RALGPS2: variants seen among roughly 807,000 people sequenced by gnomAD.
RALGPS2 encodes the protein ras-specific guanine nucleotide-releasing factor RalGPS2.
A neutral mutation model predicts 86.8 loss-of-function variants in RALGPS2; 43 were observed. The observed-to-expected ratio is 0.50, with a 90% CI of 0.39 to 0.64. The LOEUF (loss-of-function observed/expected upper bound fraction) is 0.64. RALGPS2 is among the 30% of genes least tolerant of loss of function. The pLI is 0.00. For synonymous variants in RALGPS2, 243 were observed against 231.3 expected, an observed-to-expected ratio of 1.05 and a Z score of -0.46; for missense variants, 536 against 694.6, an observed-to-expected ratio of 0.77 and a Z score of 2.57.
chr1:178,747,527 T>G lies in RALGPS2; in HGVS notation c.-84+22108T>G. ...AATGCGGTTCAGCATGACAACTGCT[T>G]TGGTCTTCTGCTGCCAAACCATAAG... On this transcript the variant is annotated intron_variant, in intron 1 of 19. Transcript: ENST00000367635. 42 of 1,611,982 alleles carry G rather than the reference T, an allele frequency of 2.6e-5. 1 individual carries two copies. In the South Asian group the frequency reaches 4.6e-4, roughly 18 times the overall value.
chr1:178,906,361 C>T (rs548913730), intron 18 of RALGPS2, among the ~76,000 whole-genome samples: 2 of 150,600 alleles, frequency 1.3e-5, no homozygotes, highest in African/African-American at 4.9e-5. Context: ...GGCGACAGAG[C>T]GAGACTCCAT....
chr1:178,729,847 T>C (rs1488183017), intron 1 of RALGPS2, among the ~76,000 whole-genome samples: 1 of 152,264 alleles, frequency 6.6e-6, no homozygotes, highest in Non-Finnish European at 1.5e-5. Context: ...CTTTCCCTCC[T>C]GTGTCCTGCT....
At chr1:178,851,331 TAC>T (rs757394461) in intron 8 of RALGPS2, 3 of 1,598,696 alleles carry the variant, frequency 1.9e-6, no homozygotes. Flanking sequence ...GAGGAAAAAA[TAC>T]AGATATAAAT....
rs146707803 is a variant in RALGPS2 at position 178,775,129 on chromosome 1, C to T, written c.-83-1553C>T. On this transcript the variant is annotated intron_variant, in intron 1 of 19. Coordinates refer to ENST00000367635, the MANE Select transcript of RALGPS2 (RefSeq NM_152663.5). ...TACATCATAGTAATAGCATATTTAC[C>T]ATGTGCCAACACTGTTTTAGGTGCT... Among the ~76,000 whole-genome samples the T allele has an allele frequency of 8.5e-3, 1,292 of 152,148 alleles. 16 individuals carry two copies. The highest frequency in any genetic ancestry group is 0.029 in the African/African-American group (1,195 of 41,520).
At chr1:178,797,718 A>T (rs80322213) in intron 4 of RALGPS2, among the ~76,000 whole-genome samples, 7,246 of 152,168 alleles carry the variant, frequency 0.048, 596 homozygotes, top group African/African-American at 0.16. Context: ...GTCTGTATAA[A>T]TCTGTGATTT....
At chr1:178,789,423 T>C (rs1170664844) in intron 4 of RALGPS2, among the ~76,000 whole-genome samples, 1 of 152,212 alleles carries the variant, frequency 6.6e-6, no homozygotes, top group Non-Finnish European at 1.5e-5. Flanking sequence ...GCCAGATGCA[T>C]GTAGTTGATA....
At chr1:178,753,658 T>C (rs1651797711) in intron 1 of RALGPS2, 1 of 152,198 alleles carries the variant, frequency 6.6e-6, no homozygotes, top group Non-Finnish European at 1.5e-5. Context: ...ACAAAAATGT[T>C]TGAGACCAAG....
chr1:178,784,724 C>T (rs1303359079), intron 3 of RALGPS2, among the ~76,000 whole-genome samples: 1 of 151,854 alleles, frequency 6.6e-6, no homozygotes, highest in Non-Finnish European at 1.5e-5. Flanking sequence ...TTTTTTAGGG[C>T]AACTTTATAA....
At position 178,886,016 on chromosome 1, in the gene RALGPS2, C is replaced by A; in HGVS notation, c.1088C>A (p.Pro363Gln). ...NTAEFKSATF[P>Q]NAGPRHLLDD... ...GCAGAATTTAAGAGTGCAACGTTTCCAAATGCAGGACCAAGACATCTGTTA... is the reference window on the plus strand; with the variant it reads ...GCAGAATTTAAGAGTGCAACGTTTCAAAATGCAGGACCAAGACATCTGTTA... Residue 363 changes from proline (P) to glutamine (Q), a missense_variant, in exon 13 of 20, where the codon CCA becomes CAA. Physicochemically the swap from Pro to Gln is moderately conservative, Grantham distance 76 (BLOSUM62 -1). This residue lies in a region of RALGPS2 where 309 missense variants were observed against 363.0 expected (regional missense o/e 0.85). Coordinates refer to ENST00000367635, the MANE Select transcript of RALGPS2 (RefSeq NM_152663.5). 6.2e-7 allele frequency: 1 copy of A among 1,611,854 alleles called. No individual in the cohort carries two copies. Among genetic ancestry groups the A allele is most frequent in the Non-Finnish European group, 8.5e-7 (1 of 1,179,126 alleles).
chr1:178,759,527 CTTT>C (rs59419655), intron 1 of RALGPS2, among the ~76,000 whole-genome samples: 18 of 115,018 alleles, frequency 1.6e-4, no homozygotes, highest in East Asian at 2.7e-4. Flanking sequence ...CAGTTTTGTT[CTTT>C]TTTTTTTTTT....
At chr1:178,755,130 T>C (rs1188104554) in intron 1 of RALGPS2, among the ~76,000 whole-genome samples, 1 of 152,182 alleles carries the variant, frequency 6.6e-6, no homozygotes, top group African/African-American at 2.4e-5. Flanking sequence ...TTTGTCACAT[T>C]TCCTTTTTTC....
chr1:178,897,177 C>T lies in RALGPS2; in HGVS notation c.1432-487C>T, dbSNP rs557667901. On this transcript the variant is annotated intron_variant, in intron 16 of 19. Transcript: ENST00000367635. Reference sequence around the variant, plus strand: ...AAGACATTTATGCAGCCAAAAAACACATGAAAAAATGCTCATCATCACTGG... The same window carrying T: ...AAGACATTTATGCAGCCAAAAAACATATGAAAAAATGCTCATCATCACTGG... Among the ~76,000 whole-genome samples, 420 of 151,906 alleles carry T rather than the reference C, an allele frequency of 2.8e-3. 1 individual carries two copies. The highest frequency in any genetic ancestry group is 4.5e-3 in the Non-Finnish European group (306 of 67,874).
chr1:178,772,561 C>T (rs1032416516), intron 1 of RALGPS2, among the ~76,000 whole-genome samples: 3 of 152,076 alleles, frequency 2.0e-5, no homozygotes, highest in Non-Finnish European at 4.4e-5. Flanking sequence ...AGATTTTTCT[C>T]CCTTTAATAT....
intron 8 of RALGPS2, among the ~76,000 whole-genome samples, chr1:178,853,354 A>G (rs1657308011): frequency 6.6e-6 from 1 of 152,194 alleles, no homozygotes; most frequent in Admixed American, 6.5e-5. Flanking sequence ...AGTAGTAAGT[A>G]TAAGTCATCC....
intron 8 of RALGPS2, chr1:178,865,543 G>A: frequency 6.2e-7 from 1 of 1,614,110 alleles, no homozygotes; most frequent in Non-Finnish European, 8.5e-7. Context: ...TGGTGATCAT[G>A]TCTTTAATGG....
At chr1:178,799,059 A>T (rs1440399544) in intron 4 of RALGPS2, among the ~76,000 whole-genome samples, 6 of 151,652 alleles carry the variant, frequency 4.0e-5, no homozygotes, top group African/African-American at 1.5e-4. Context: ...TGTTGTTTTG[A>T]GACGGAGTCT....
At chr1:178,750,940 G>A (rs916586142) in intron 1 of RALGPS2, among the ~76,000 whole-genome samples, 5 of 152,112 alleles carry the variant, frequency 3.3e-5, no homozygotes, top group African/African-American at 4.8e-5. Context: ...ATTTTTGGGT[G>A]TGTTCATGTA....
At chr1:178,742,528 C>T (rs2102024663) in intron 1 of RALGPS2, among the ~76,000 whole-genome samples, 1 of 152,296 alleles carries the variant, frequency 6.6e-6, no homozygotes, top group Non-Finnish European at 1.5e-5. Context: ...TTACTCTTCT[C>T]TCAGTAAATG....
chr1:178,804,989 A>G (rs1438856069), intron 4 of RALGPS2, among the ~76,000 whole-genome samples: 15 of 146,226 alleles, frequency 1.0e-4, no homozygotes, highest in Admixed American at 2.0e-4. Context: ...GTGAGATGGT[A>G]TCTCATTGTG....
Sources: allele counts gnomAD v4.1 joint callset (sites outside exome capture counted in the v4.1 genomes callset), GRCh38; gene constraint gnomAD v4.1.1; regional missense constraint gnomAD v4.1.1; transcripts MANE v1.5; gene names NCBI Gene and HGNC (gene_info 2026-07-23, HGNC 2026-07-21).